RGS3: variants seen among roughly 807,000 people sequenced by gnomAD.
The protein encoded by RGS3 is regulator of G-protein signalling 3.
Under a neutral mutation model 132.6 loss-of-function variants are expected in RGS3, and 80 were observed. That is an observed-to-expected ratio of 0.60 (90% CI 0.50 to 0.73). RGS3 has a LOEUF of 0.73. RGS3 is among the 30% of genes least tolerant of loss of function. The pLI is 0.00. For missense variants in RGS3, 1,382 were observed against 1,530.8 expected (o/e 0.90, Z 1.62); for synonymous variants, 598 against 620.6 (o/e 0.96, Z 0.54).
At chr9:113,468,240 G>A (rs955011745) in intron 3 of RGS3, among the ~76,000 whole-genome samples, 1 of 152,156 alleles carries the variant, frequency 6.6e-6, no homozygotes, top group African/African-American at 2.4e-5. Context: ...TATGGTATGA[G>A]GTAAGAGTTC....
At chr9:113,532,957 C>T (rs1442249376) in intron 18 of RGS3, among the ~76,000 whole-genome samples, 1 of 152,200 alleles carries the variant, frequency 6.6e-6, no homozygotes, top group African/African-American at 2.4e-5. Context: ...CCTCTTGGTC[C>T]AGTCTGCAAG....
chr9:113,461,563 C>A (rs1588130929), intron 1 of RGS3: 3 of 779,210 alleles, frequency 3.9e-6, no homozygotes, highest in East Asian at 2.5e-5. Flanking sequence ...AGCTCAGGAT[C>A]AGGCTGGCCT....
chr9:113,597,664 A>G (rs1398476381), exon 25 of RGS3: 1 of 152,290 alleles, frequency 6.6e-6, no homozygotes, highest in Non-Finnish European at 1.5e-5. Context: ...GCTTTGGGAA[A>G]GCATGGCACC....
intron 21 of RGS3, chr9:113,592,987 A>C (rs1247660121): frequency 6.6e-6 from 1 of 152,186 alleles, no homozygotes; most frequent in East Asian, 1.9e-4. Flanking sequence ...CACGTGAATA[A>C]ACTACTGTGC....
At chr9:113,481,031 G>A (rs1296403235) in intron 4 of RGS3, among the ~76,000 whole-genome samples, 1 of 152,222 alleles carries the variant, frequency 6.6e-6, no homozygotes, top group Non-Finnish European at 1.5e-5. Flanking sequence ...TGCACCTGCT[G>A]TTCACTGTGC....
intron 19 of RGS3, among the ~76,000 whole-genome samples, chr9:113,576,176 G>A (rs1413647889): frequency 6.6e-6 from 1 of 151,520 alleles, no homozygotes; most frequent in African/African-American, 2.4e-5. Context: ...CTCCAGCCTG[G>A]GCGACAGAGC....
chr9:113,461,801 C>A (rs1055172089), exon 2 of RGS3: 4 of 1,614,170 alleles, frequency 2.5e-6, no homozygotes, highest in Admixed American at 1.7e-5. Flanking sequence ...CTCTGGAGCC[C>A]AAGATAGTCT....
chr9:113,594,354 C>T, intron 21 of RGS3, 76 bp from the exon 20 acceptor site: 6 of 1,596,740 alleles, frequency 3.8e-6, no homozygotes, highest in Non-Finnish European at 5.1e-6. Context: ...TGCCCTCGAC[C>T]CAGCTCTCCC....
intron 19 of RGS3, among the ~76,000 whole-genome samples, chr9:113,548,463 A>G (rs1434063468): frequency 1.3e-5 from 2 of 152,228 alleles, no homozygotes; most frequent in Non-Finnish European, 2.9e-5. Flanking sequence ...TTTTACCTGC[A>G]GCTAGGAGCA....
rs538936988 is a variant in RGS3 at position 113,506,343 on chromosome 9, C to T, written c.980-45C>T. On this transcript the variant is annotated intron_variant, in intron 11 of 24. Transcript: ENST00000350696. This position sits in a 1 kb window ranked among gnomAD's most constrained non-coding sequence, Gnocchi z 4.7. ...AGGACTCCAGATCCTTTGAAGGGGT[C>T]TTAGGCTTCAGGGGCCCCTGAATGG... 390 of 1,296,036 alleles carry T rather than the reference C, an allele frequency of 3.0e-4. No homozygotes were observed. The highest frequency in any genetic ancestry group is 1.5e-3 in the Middle Eastern group (8 of 5,476). 80.3% of individuals were successfully genotyped at this position (1,296,036 alleles called of 1,614,324 possible).
rs566247463 is a variant in RGS3, at chr9:113,577,133, G to A, written c.2038-6317G>A. 3.3e-5 allele frequency among the ~76,000 whole-genome samples: 5 copies of A among 152,120 alleles called. No homozygotes were observed. In the South Asian group the frequency reaches 1.0e-3, roughly 32 times the overall value. On this transcript the variant is annotated intron_variant, in intron 19 of 24. Transcript: ENST00000350696. ...CAAGTAGCTGGGATTACAGGTGCGC[G>A]CCATGTTGCCTGGCTAATTCTCGTA...
chr9:113,508,977 A>G (rs1588175953), intron 14 of RGS3, among the ~76,000 whole-genome samples: 1 of 152,140 alleles, frequency 6.6e-6, no homozygotes, highest in Admixed American at 6.5e-5. Flanking sequence ...TTCTAGCTAT[A>G]TGACTTTGAG....
chr9:113,470,226 T>C (rs1032142472), intron 3 of RGS3, among the ~76,000 whole-genome samples: 3 of 152,300 alleles, frequency 2.0e-5, no homozygotes, highest in South Asian at 2.1e-4. Flanking sequence ...TCTGCAGCAG[T>C]TGGGTGCAGT....
rs929649693 is a variant in RGS3, at chr9:113,565,946, A to G, written c.2038-17504A>G. 6.8e-6 allele frequency among the ~76,000 whole-genome samples: 1 copy of G among 146,758 alleles called. No individual in the cohort carries two copies. The highest frequency in any genetic ancestry group is 1.5e-5 in the Non-Finnish European group (1 of 67,258). ...CTGTCTGTCTGTCTCAGGGGCTGGG[A>G]GCCCTGCAAGTTTTGGGGGATGCTT... On this transcript the variant is annotated intron_variant, in intron 19 of 24. Transcript: ENST00000350696. This position sits in a 1 kb window ranked among gnomAD's most constrained non-coding sequence, Gnocchi z 5.7.
At chr9:113,501,193 C>T (rs377214056) in intron 10 of RGS3, among the ~76,000 whole-genome samples, 22 of 152,260 alleles carry the variant, frequency 1.4e-4, no homozygotes, top group Admixed American at 8.5e-4. Flanking sequence ...AGAGCAGCCA[C>T]GTTTTCTGCC....
intron 1 of RGS3, among the ~76,000 whole-genome samples, chr9:113,461,056 GTGTT>G (rs1310082784): frequency 6.6e-6 from 1 of 152,114 alleles, no homozygotes; most frequent in Non-Finnish European, 1.5e-5. Context: ...TGTGTGGGGT[GTGTT>G]TGTATATGTA....
In RGS3 at chr9:113,584,230, C is replaced by T. The variant is rs370147106; in HGVS notation, c.2818C>T (p.Arg940Trp). The change falls in exon 20 of 25, where the codon CGG becomes TGG. Residue 940 changes from arginine (R) to tryptophan (W), a missense_variant. Arg to Trp is a moderately radical substitution (Grantham distance 101). Coordinates refer to ENST00000350696, the Ensembl canonical transcript of RGS3. ...GCGTGTGCAGAACTCGCTGCGGCGC[C>T]GGACGCACAGCGAGGGCAGCCTGCT... is the stretch of plus-strand genomic sequence containing the variant. 41 of 1,612,336 alleles carry T rather than the reference C, an allele frequency of 2.5e-5. No individual in the cohort carries two copies. Among genetic ancestry groups the T allele is most frequent in the Non-Finnish European group, 8.5e-6 (10 of 1,179,484 alleles).
chr9:113,581,126 C>A, intron 19 of RGS3: 1 of 349,998 alleles, frequency 2.9e-6, no homozygotes, highest in Non-Finnish European at 4.0e-6. Context: ...GGAGAATGCT[C>A]CCTGGTGGGT....
intron 18 of RGS3, among the ~76,000 whole-genome samples, chr9:113,536,178 C>T (rs768013170): frequency 2.6e-5 from 4 of 152,184 alleles, no homozygotes; most frequent in Admixed American, 2.0e-4. Flanking sequence ...TTGCTGCCCT[C>T]GAGTGAGCTG....
Sources: allele counts gnomAD v4.1 joint callset (sites outside exome capture counted in the v4.1 genomes callset), GRCh38; gene constraint gnomAD v4.1.1; non-coding constraint Gnocchi (gnomAD v3.1); transcripts MANE v1.5; gene names NCBI Gene and HGNC (gene_info 2026-07-23, HGNC 2026-07-21).